The following POTEJ variants were observed in gnomAD, a reference collection of about 807,000 sequenced individuals.
POTEJ encodes the protein POTE ankyrin domain family member J.
A neutral mutation model predicts 69.0 loss-of-function variants in POTEJ; 11 were observed. That is an observed-to-expected ratio of 0.16 (90% confidence interval 0.10 to 0.26). The LOEUF (loss-of-function observed/expected upper bound fraction) is 0.26, where lower values mean the gene tolerates loss of function less well. Among genes scored for constraint, POTEJ ranks in the 10% least tolerant of loss-of-function variants. The probability of loss-of-function intolerance (pLI) is 1.00; values close to 1 mark genes in which losing one functional copy is unlikely to be tolerated. For synonymous variants in POTEJ, 117 were observed against 381.1 expected (o/e 0.31, Z 8.07); for missense variants, 327 against 1,045.5 (o/e 0.31, Z 9.48).
At chr2:130,633,076 A>G (rs1296085622) in intron 9 of POTEJ, among the ~76,000 whole-genome samples, 1 of 145,068 alleles carries the variant, frequency 6.9e-6, no homozygotes, top group East Asian at 1.9e-4. Context: ...GGTGCCTGTT[A>G]TTCTCCTCTT....
chr2:130,613,245 CATATATAT>C (rs1205829544), intron 1 of POTEJ, among the ~76,000 whole-genome samples: 22 of 126,234 alleles, frequency 1.7e-4, no homozygotes, highest in East Asian at 6.8e-4. Context: ...CATATATATA[CATATATAT>C]ACACATATAT....
At chr2:130,613,280 G>GTATA (rs1220376524) in intron 1 of POTEJ, among the ~76,000 whole-genome samples, 4 of 47,222 alleles carry the variant, frequency 8.5e-5, no homozygotes, top group African/African-American at 4.2e-4. Flanking sequence ...ATATACATAT[G>GTATA]TATATATACA....
intron 9 of POTEJ, among the ~76,000 whole-genome samples, chr2:130,636,868 G>C (rs1472129158): frequency 1.4e-5 from 2 of 147,242 alleles, no homozygotes; most frequent in African/African-American, 5.0e-5. Context: ...CAAGGCAGGC[G>C]GATCACGAGG....
intron 10 of POTEJ, among the ~76,000 whole-genome samples, chr2:130,640,989 A>G (rs1179785417): frequency 6.6e-6 from 1 of 151,856 alleles, no homozygotes; most frequent in East Asian, 1.9e-4. Context: ...AAAATGGGTT[A>G]GCAGGCTTTT....
intron 1 of POTEJ, among the ~76,000 whole-genome samples, chr2:130,614,183 A>G (rs1361082942): frequency 1.3e-5 from 2 of 151,792 alleles, no homozygotes; most frequent in Non-Finnish European, 2.9e-5. Context: ...AAAAAAAAAA[A>G]GGAATGAAAT....
chr2:130,637,708 C>G (rs1273842204), intron 9 of POTEJ, among the ~76,000 whole-genome samples: 2 of 152,182 alleles, frequency 1.3e-5, no homozygotes, highest in Non-Finnish European at 2.9e-5. Context: ...TTAGAGAATG[C>G]CAACTTGCAA....
chr2:130,656,326 GATTCCTAAAAGTTTAAATATTT>G (rs1395643163), intron 14 of POTEJ, among the ~76,000 whole-genome samples: 8 of 141,076 alleles, frequency 5.7e-5, no homozygotes, highest in African/African-American at 2.2e-4. Context: ...TTTAGGAGCA[GATTCCTAAAAGTTTAAATATTT>G]ATTTAAAGAC....
rs1488270315 is a variant in POTEJ at position 130,636,971 on chromosome 2, A to G, written c.1299-1648A>G. The stretch of plus-strand genomic sequence containing the variant: ...GCATGCGCCTGTAGTCCCAGCTGCT[A>G]TGGAGGCTGAGGCAGGAGAATGGCA... On this transcript the variant is annotated intron_variant, in intron 9 of 14. Transcript: ENST00000409602. 2.1e-5 allele frequency among the ~76,000 whole-genome samples: 3 copies of G among 145,616 alleles called. 1 individual carries two copies. Among genetic ancestry groups the G allele is most frequent in the Non-Finnish European group, 4.6e-5 (3 of 65,000 alleles).
intron 6 of POTEJ, among the ~76,000 whole-genome samples, chr2:130,627,886 C>G (rs1186902085): frequency 1.4e-5 from 2 of 146,198 alleles, no homozygotes; most frequent in African/African-American, 5.3e-5. Context: ...TTCATAGGCA[C>G]TATAACTTTA....
At chr2:130,629,166 G>A (rs1372263729) in intron 6 of POTEJ, among the ~76,000 whole-genome samples, 3 of 149,870 alleles carry the variant, frequency 2.0e-5, no homozygotes, top group South Asian at 4.2e-4. Flanking sequence ...GCAGAAAACA[G>A]GAAGCAGGAG....
intron 13 of POTEJ, among the ~76,000 whole-genome samples, chr2:130,648,348 A>C (rs1157247526): frequency 7.0e-6 from 1 of 143,144 alleles, no homozygotes; most frequent in Non-Finnish European, 1.5e-5. Flanking sequence ...CTTGTCTATC[A>C]CTTTTCCATG....
At chr2:130,623,960 G>A in intron 5 of POTEJ, 104 bp from the exon 6 acceptor site, 4 of 1,145,028 alleles carry the variant, frequency 3.5e-6, no homozygotes, top group Non-Finnish European at 4.9e-6. Context: ...ATTAAGTTCT[G>A]ATATTCTGAT....
intron 6 of POTEJ, among the ~76,000 whole-genome samples, chr2:130,624,820 C>T (rs527840850): frequency 3.9e-5 from 6 of 152,228 alleles, no homozygotes; most frequent in African/African-American, 1.2e-4. Context: ...CTTCATTCCT[C>T]CTCATTTGAA....
At chr2:130,619,739 G>T (rs1685482643) in intron 3 of POTEJ, among the ~76,000 whole-genome samples, 1 of 148,082 alleles carries the variant, frequency 6.8e-6, no homozygotes, top group Non-Finnish European at 1.5e-5. Context: ...TTGTTTAGAT[G>T]GGAAAAATAT....
intron 10 of POTEJ, among the ~76,000 whole-genome samples, chr2:130,642,058 A>G (rs1490548612): frequency 1.3e-5 from 2 of 150,712 alleles, no homozygotes; most frequent in Admixed American, 6.6e-5. Context: ...ATTCGGTCCT[A>G]GAGTGCCCTG....
chr2:130,655,512 A>G (rs545235713), intron 14 of POTEJ, among the ~76,000 whole-genome samples: 1 of 152,248 alleles, frequency 6.6e-6, no homozygotes, highest in African/African-American at 2.4e-5. Context: ...GTAGTTTCTC[A>G]TTTCAATGTA....
intron 13 of POTEJ, among the ~76,000 whole-genome samples, 196 bp downstream of exon 13, chr2:130,646,506 C>A (rs1686584083): frequency 7.8e-6 from 1 of 127,652 alleles, no homozygotes; most frequent in African/African-American, 3.8e-5. Context: ...GAAAAATAAC[C>A]AGTATTGACA....
intron 6 of POTEJ, among the ~76,000 whole-genome samples, chr2:130,627,421 T>G (rs1315082691): frequency 7.1e-6 from 1 of 139,936 alleles, no homozygotes. Context: ...AGTTGTTCCT[T>G]TTAGGGAATG....
chr2:130,642,015 A>T (rs2105243730), intron 10 of POTEJ, among the ~76,000 whole-genome samples: 1 of 151,666 alleles, frequency 6.6e-6, no homozygotes, highest in East Asian at 1.9e-4. Context: ...CCAGAAAAGA[A>T]AGAGCAAGGA....
Sources: gnomAD v4.1 joint callset for allele counts (sites outside exome capture counted in the v4.1 genomes callset) on GRCh38, gnomAD v4.1.1 for gene constraint, MANE v1.5 for transcripts, NCBI Gene and HGNC (gene_info 2026-07-23, HGNC 2026-07-21) for gene names.